Variants in SLC22A9 observed in about 807,000 individuals in gnomAD.
The protein encoded by SLC22A9 is organic anion transporter 7.
In SLC22A9, 64 loss-of-function variants were observed where a neutral mutation model predicts 50.1. That is an observed-to-expected ratio of 1.28 (90% CI 1.04 to 1.57). The LOEUF is 1.57. Ranked by LOEUF, SLC22A9 falls within the 40% of genes most tolerant of loss-of-function variation. The probability of loss-of-function intolerance (pLI) is 0.00; values close to 1 mark genes in which losing one functional copy is unlikely to be tolerated. For missense variants in SLC22A9, 757 were observed against 676.1 expected, an observed-to-expected ratio of 1.12 and a Z score of -1.33; for synonymous variants, 261 against 242.5, an observed-to-expected ratio of 1.08 and a Z score of -0.71.
intron 6 of SLC22A9, among the ~76,000 whole-genome samples, chr11:63,397,521 G>T (rs996805650): frequency 6.6e-6 from 1 of 152,120 alleles, no homozygotes; most frequent in Non-Finnish European, 1.5e-5. Flanking sequence ...AGCAACCAGG[G>T]CTTAGAGTCA....
At chr11:63,409,147 T>G (rs1460537542) in intron 9 of SLC22A9, among the ~76,000 whole-genome samples, 1 of 152,156 alleles carries the variant, frequency 6.6e-6, no homozygotes. Context: ...TTAGGTCTCC[T>G]CTTCCCTCCC....
intron 5 of SLC22A9, among the ~76,000 whole-genome samples, chr11:63,380,425 T>C (rs1232464359): frequency 6.6e-6 from 1 of 152,020 alleles, no homozygotes; most frequent in Non-Finnish European, 1.5e-5. Flanking sequence ...AACAAAGACA[T>C]GGAATCAACC....
In SLC22A9 at chr11:63,382,835, A is replaced by C. The variant is rs77111092; in HGVS notation, c.1073+558A>C. On this transcript the variant is annotated intron_variant, in intron 6 of 9. Coordinates refer to ENST00000279178, the MANE Select transcript of SLC22A9 (RefSeq NM_080866.3). ...AAATAGAGGTAAGATGTTGTAAAAC[A>C]ATAGATGAGCACAAACCCAAGAACA... is the stretch of plus-strand genomic sequence containing the variant. 6.1e-3 allele frequency among the ~76,000 whole-genome samples: 934 copies of C among 152,322 alleles called. 10 individuals carry two copies. The highest frequency in any genetic ancestry group is 0.021 in the African/African-American group (856 of 41,574).
intron 5 of SLC22A9, among the ~76,000 whole-genome samples, chr11:63,381,716 C>G (rs1488100686): frequency 6.6e-6 from 1 of 152,158 alleles, no homozygotes; most frequent in Admixed American, 6.5e-5. Flanking sequence ...TGAGTTCTCT[C>G]AGGAAATTTT....
In SLC22A9 at chr11:63,389,643, C is replaced by T. The variant is rs182479195; in HGVS notation, c.1073+7366C>T. ...TGTAAATAGTGCTGCGATAAACATA[C>T]GTGTGCATGTGTCTTTATAGTAGAA... On this transcript the variant is annotated intron_variant, in intron 6 of 9. Transcript: ENST00000279178. 9.5e-4 allele frequency among the ~76,000 whole-genome samples: 145 copies of T among 152,200 alleles called. 1 individual carries two copies. Among genetic ancestry groups the T allele is most frequent in the Non-Finnish European group, 1.6e-3 (106 of 68,010 alleles).
At chr11:63,376,974 A>G (rs2014471195) in intron 5 of SLC22A9, among the ~76,000 whole-genome samples, 1 of 152,160 alleles carries the variant, frequency 6.6e-6, no homozygotes, top group East Asian at 1.9e-4. Flanking sequence ...ATAATGATCC[A>G]GGGTTCAATT....
chr11:63,387,427 C>A (rs919576862), intron 6 of SLC22A9, among the ~76,000 whole-genome samples: 6 of 151,992 alleles, frequency 3.9e-5, no homozygotes, highest in Admixed American at 1.3e-4. Flanking sequence ...ATTCTTGACA[C>A]CTTTCTCAAA....
intron 5 of SLC22A9, 34 bp downstream of exon 5, chr11:63,375,802 G>T: frequency 1.2e-6 from 2 of 1,604,442 alleles, no homozygotes; most frequent in Non-Finnish European, 1.7e-6. Context: ...TGGGATGTAG[G>T]GAAGACATAA....
At chr11:63,389,408 G>A (rs376427309) in intron 6 of SLC22A9, among the ~76,000 whole-genome samples, 15 of 140,250 alleles carry the variant, frequency 1.1e-4, no homozygotes, top group South Asian at 7.4e-4. Flanking sequence ...TTCAACTCCC[G>A]CTTATGAGCG....
intron 4 of SLC22A9, among the ~76,000 whole-genome samples, chr11:63,374,464 A>G (rs2014425249): frequency 6.6e-6 from 1 of 152,190 alleles, no homozygotes; most frequent in Non-Finnish European, 1.5e-5. Context: ...TGTCCAAAAT[A>G]TTGCATGAGA....
At chr11:63,401,565 C>T (rs1388374625) in intron 6 of SLC22A9, among the ~76,000 whole-genome samples, 1 of 152,054 alleles carries the variant, frequency 6.6e-6, no homozygotes, top group Non-Finnish European at 1.5e-5. Flanking sequence ...AGGCAATCTA[C>T]AGATTCAATG....
rs764539691 is a variant in SLC22A9, at chr11:63,370,146, T to G, written c.90T>G (p.Ala30=). The change falls in exon 1 of 10, where the codon GCT becomes GCG. Residue 30 remains alanine, a synonymous_variant. Transcript: ENST00000279178. The part of the protein sequence containing the change: ...QTVFLSIFAV[A]TYLHFMLENF... ...TTTTTCTCTCAATCTTTGCTGTTGC[T>G]ACATACCTTCATTTTATGCTGGAGA... 1 of 1,614,102 alleles carries G rather than the reference T, an allele frequency of 6.2e-7. No homozygotes were observed. Among genetic ancestry groups the G allele is most frequent in the South Asian group, 1.1e-5 (1 of 91,074 alleles).
intron 6 of SLC22A9, among the ~76,000 whole-genome samples, chr11:63,398,304 T>C (rs61928013): frequency 0.055 from 8,321 of 152,140 alleles, 332 homozygotes; most frequent in African/African-American, 0.11. Context: ...AAAGGGAGAA[T>C]TCTCTCCTGG....
intron 6 of SLC22A9, among the ~76,000 whole-genome samples, chr11:63,382,611 G>A (rs1056906848): frequency 2.0e-5 from 3 of 151,992 alleles, no homozygotes; most frequent in Non-Finnish European, 4.4e-5. Context: ...AGAGAATTTT[G>A]TACACAAATA....
intron 6 of SLC22A9, among the ~76,000 whole-genome samples, chr11:63,389,277 C>T (rs1337744015): frequency 2.1e-4 from 32 of 151,954 alleles, no homozygotes. Flanking sequence ...AACCCGTCAT[C>T]TAGGTTTTAA....
intron 7 of SLC22A9, 85 bp downstream of exon 7, chr11:63,406,796 G>A: frequency 5.0e-6 from 7 of 1,397,656 alleles, no homozygotes; most frequent in South Asian, 1.4e-5. Context: ...CTGAAGCCAA[G>A]AAGGAAAGGG....
intron 6 of SLC22A9, among the ~76,000 whole-genome samples, chr11:63,392,575 G>T (rs1462227939): frequency 6.6e-6 from 1 of 151,650 alleles, no homozygotes; most frequent in African/African-American, 2.4e-5. Flanking sequence ...AATTTCCACT[G>T]CAAAGTCTGT....
intron 5 of SLC22A9, among the ~76,000 whole-genome samples, chr11:63,378,263 A>G (rs1282132251): frequency 2.1e-5 from 3 of 140,320 alleles, no homozygotes; most frequent in Non-Finnish European, 1.5e-5. Context: ...AAACCAGACT[A>G]AAAACAAAAA....
intron 6 of SLC22A9, among the ~76,000 whole-genome samples, chr11:63,396,222 G>A (rs1455459050): frequency 6.6e-6 from 1 of 152,128 alleles, no homozygotes; most frequent in Non-Finnish European, 1.5e-5. Context: ...CTGGCCAGGA[G>A]GCTTCACATC....
Sources: gnomAD v4.1 joint callset for allele counts (sites outside exome capture counted in the v4.1 genomes callset) on GRCh38, gnomAD v4.1.1 for gene constraint, MANE v1.5 for transcripts, NCBI Gene and HGNC (gene_info 2026-07-23, HGNC 2026-07-21) for gene names.